The following THSD7B variants were observed in gnomAD, a reference collection of about 807,000 sequenced individuals.
The protein encoded by THSD7B is thrombospondin type-1 domain-containing protein 7B.
Under a neutral mutation model 213.6 loss-of-function variants are expected in THSD7B, and 138 were observed. The ratio of observed to expected loss-of-function variants is 0.65; its 90% confidence interval spans 0.56 to 0.74. THSD7B has a LOEUF of 0.74. Among genes scored for constraint, THSD7B ranks in the 30% least tolerant of loss-of-function variants. The pLI, the probability that THSD7B is intolerant of heterozygous loss-of-function variation, is 0.00. For missense variants in THSD7B, 1,931 were observed against 1,991.5 expected (o/e 0.97, Z 0.58); for synonymous variants, 742 against 687.0 (o/e 1.08, Z -1.25).
At chr2:137,315,240 G>T (rs1231362493) in intron 12 of THSD7B, among the ~76,000 whole-genome samples, 1 of 152,184 alleles carries the variant, frequency 6.6e-6, no homozygotes, top group African/African-American at 2.4e-5. Context: ...TCAGAAAAGC[G>T]CAGTATTCGG....
chr2:137,360,569 G>T (rs372573151), intron 12 of THSD7B, among the ~76,000 whole-genome samples: 53 of 152,286 alleles, frequency 3.5e-4, no homozygotes, highest in African/African-American at 1.1e-3. Context: ...TATATCCCTT[G>T]CCTGGCTCAG....
At chr2:137,191,276 C>T (rs576674369) in intron 7 of THSD7B, among the ~76,000 whole-genome samples, 1 of 152,314 alleles carries the variant, frequency 6.6e-6, no homozygotes, top group South Asian at 2.1e-4. Flanking sequence ...TTTATTCTCT[C>T]CATGTTAGTT....
At chr2:137,029,451 A>G (rs1329817359) in intron 2 of THSD7B, among the ~76,000 whole-genome samples, 1 of 152,058 alleles carries the variant, frequency 6.6e-6, no homozygotes, top group Non-Finnish European at 1.5e-5. Flanking sequence ...TTATATTTAG[A>G]TTATTTCCAT....
intron 2 of THSD7B, among the ~76,000 whole-genome samples, chr2:136,937,562 G>A (rs576304701): frequency 6.6e-6 from 1 of 152,188 alleles, no homozygotes; most frequent in South Asian, 2.1e-4. Flanking sequence ...TTAATTTCAG[G>A]ATGCTTGACC....
chr2:137,219,787 A>C (rs1340846419), intron 7 of THSD7B, among the ~76,000 whole-genome samples: 1 of 142,024 alleles, frequency 7.0e-6, no homozygotes, highest in African/African-American at 2.7e-5. Context: ...GGATGTTTGC[A>C]CAATGTTATA....
chr2:137,335,131 C>T (rs887434666), intron 12 of THSD7B, among the ~76,000 whole-genome samples: 1 of 152,084 alleles, frequency 6.6e-6, no homozygotes, highest in Non-Finnish European at 1.5e-5. Context: ...GTAACCTACC[C>T]CAGAAACTTT....
intron 12 of THSD7B, among the ~76,000 whole-genome samples, chr2:137,358,282 G>A (rs1340167351): frequency 6.6e-6 from 1 of 152,172 alleles, no homozygotes; most frequent in Non-Finnish European, 1.5e-5. Context: ...AGGTTCTAAT[G>A]AGAATCTTAT....
At chr2:137,237,671 C>G (rs1404434381) in intron 9 of THSD7B, among the ~76,000 whole-genome samples, 1 of 152,300 alleles carries the variant, frequency 6.6e-6, no homozygotes, top group Non-Finnish European at 1.5e-5. Context: ...CCAACTTTAC[C>G]TTTTTCAGAA....
intron 10 of THSD7B, among the ~76,000 whole-genome samples, chr2:137,255,323 C>T (rs1682281241): frequency 6.6e-6 from 1 of 152,118 alleles, no homozygotes. Flanking sequence ...AGAATATGTG[C>T]ATTTTCTGAG....
intron 12 of THSD7B, among the ~76,000 whole-genome samples, chr2:137,400,961 C>T (rs191691072): frequency 1.1e-3 from 169 of 152,236 alleles, no homozygotes; most frequent in African/African-American, 3.9e-3. Context: ...AGTCCTCAGA[C>T]CCCCGGTTGA....
intron 2 of THSD7B, among the ~76,000 whole-genome samples, chr2:136,928,433 G>A (rs989045622): frequency 3.3e-5 from 5 of 152,082 alleles, no homozygotes; most frequent in East Asian, 1.9e-4. Flanking sequence ...TTTGTATAGC[G>A]TTTGTTTTTA....
intron 10 of THSD7B, among the ~76,000 whole-genome samples, chr2:137,246,444 C>T (rs1473493123): frequency 6.6e-6 from 1 of 152,118 alleles, no homozygotes; most frequent in East Asian, 1.9e-4. Flanking sequence ...TCTCAGAAAG[C>T]CAAGGTTGTT....
chr2:137,349,707 G>T (rs188913268), intron 12 of THSD7B, among the ~76,000 whole-genome samples: 2 of 151,838 alleles, frequency 1.3e-5, no homozygotes, highest in East Asian at 3.9e-4. Flanking sequence ...GTAGTTACTT[G>T]TGATAGTTAT....
At chr2:137,051,881 C>T (rs182815278) in intron 2 of THSD7B, among the ~76,000 whole-genome samples, 67 of 152,220 alleles carry the variant, frequency 4.4e-4, no homozygotes, top group East Asian at 2.5e-3. Context: ...AACACCACAC[C>T]TAAAATTCAG....
chr2:136,963,997 A>G (rs1479079753), intron 2 of THSD7B, among the ~76,000 whole-genome samples: 1 of 73,536 alleles, frequency 1.4e-5, no homozygotes, highest in Non-Finnish European at 3.5e-5. Context: ...GTTAAACCCA[A>G]CTCTTTGTCT....
At chr2:137,309,062 A>G (rs1683825435) in intron 12 of THSD7B, among the ~76,000 whole-genome samples, 1 of 152,110 alleles carries the variant, frequency 6.6e-6, no homozygotes, top group Admixed American at 6.6e-5. Context: ...TTTTTCGTAA[A>G]TATTTCCAAA....
chr2:137,412,620 A>C (rs915295424), intron 14 of THSD7B, among the ~76,000 whole-genome samples: 5 of 133,070 alleles, frequency 3.8e-5, no homozygotes, highest in African/African-American at 1.1e-4. Context: ...ACAAAAAAAA[A>C]CAAAAAACAG....
At chr2:137,664,882 G>A (rs1683418541) in intron 26 of THSD7B, among the ~76,000 whole-genome samples, 1 of 151,556 alleles carries the variant, frequency 6.6e-6, no homozygotes, top group Non-Finnish European at 1.5e-5. Flanking sequence ...CATGGGAAGG[G>A]AAAACACAGA....
chr2:137,389,238 T>G (rs55993379), intron 12 of THSD7B, among the ~76,000 whole-genome samples: 47,189 of 140,466 alleles, frequency 0.34, 8,622 homozygotes, highest in African/African-American at 0.5. Context: ...TATATATATA[T>G]AGAGAGAGTT....
Sources: gnomAD v4.1 joint callset for allele counts (sites outside exome capture counted in the v4.1 genomes callset) on GRCh38, gnomAD v4.1.1 for gene constraint, MANE v1.5 for transcripts, NCBI Gene and HGNC (gene_info 2026-07-23, HGNC 2026-07-21) for gene names.